Variants in MX1 observed in about 807,000 individuals in gnomAD.
The protein encoded by MX1 is MX dynamin like GTPase 1.
In MX1, 66 loss-of-function variants were observed where a neutral mutation model predicts 66.4. That is an observed-to-expected ratio of 0.99 (90% CI 0.82 to 1.22). The LOEUF (loss-of-function observed/expected upper bound fraction) is 1.22, where lower values mean the gene tolerates loss of function less well. Among genes scored for constraint, MX1 ranks in the 50% most tolerant of loss-of-function variants. The probability of loss-of-function intolerance (pLI) is 0.00; values close to 1 mark genes in which losing one functional copy is unlikely to be tolerated. For missense variants in MX1, 787 were observed against 834.3 expected, an observed-to-expected ratio of 0.94 and a Z score of 0.70; for synonymous variants, 311 against 318.1, an observed-to-expected ratio of 0.98 and a Z score of 0.24.
chr21:41,449,274 G>T lies in MX1; in HGVS notation c.1411G>T (p.Asp471Tyr). 1.2e-6 allele frequency: 2 copies of T among 1,613,596 alleles called. No individual in the cohort carries two copies. The highest frequency in any genetic ancestry group is 1.7e-6 in the Non-Finnish European group (2 of 1,179,866). Reference protein sequence around the residue: ...QIKALEEPAVDMLHTVTDMVR... With the variant: ...QIKALEEPAVYMLHTVTDMVR... Reference sequence around the variant, plus strand: ...CAAGGCACTGGAAGAGCCGGCTGTGGATATGCTACACACCGTGACGGGTGA... The same window carrying T: ...CAAGGCACTGGAAGAGCCGGCTGTGTATATGCTACACACCGTGACGGGTGA... The change falls in exon 14 of 17, where the codon GAT (aspartate) becomes TAT (tyrosine). Residue 471 changes from aspartate to tyrosine, a missense_variant. Asp to Tyr is a radical substitution (Grantham distance 160, BLOSUM62 -3). Coordinates refer to ENST00000398598, the MANE Select transcript of MX1 (RefSeq NM_002462.5).
At chr21:41,440,250 G>A (rs2146206943) in intron 8 of MX1, among the ~76,000 whole-genome samples, 1 of 152,304 alleles carries the variant, frequency 6.6e-6, no homozygotes, top group Middle Eastern at 3.4e-3. Flanking sequence ...TATAATCCCA[G>A]CACTTTGGGA....
At position 41,445,547 on chromosome 21, in the gene MX1, GA is replaced by G. The variant is rs776684659; in HGVS notation, c.1114del (p.Met372CysfsTer4). 6 of 1,613,994 alleles carry G rather than the reference GA, an allele frequency of 3.7e-6. No homozygotes were observed. Among genetic ancestry groups the G allele is most frequent in the Non-Finnish European group, 5.1e-6 (6 of 1,180,000 alleles). On this transcript the variant is annotated frameshift_variant, in exon 12 of 17. Transcript: ENST00000398598. LOFTEE classifies it high-confidence loss of function. ...TGTCGACATACCGGAAGACGAAAAT[GA>G]AAAAATGTTCTTCCTGATAGATGTG... is the stretch of plus-strand genomic sequence containing the variant. ...YGVDIPEDEN[E>X]KMFFLIDKVN...
At chr21:41,435,813 A>T (rs2838036) in intron 5 of MX1, 24 bp from the exon 6 acceptor site, 66,057 of 1,593,022 alleles carry the variant, frequency 0.041, 2,819 homozygotes, top group African/African-American at 0.18. Context: ...GCCATGAAGA[A>T]TTCTCCATTT....
At chr21:41,428,736 A>C (rs1486366836) in intron 3 of MX1, 1 of 151,976 alleles carries the variant, frequency 6.6e-6, no homozygotes, top group Non-Finnish European at 1.5e-5. Flanking sequence ...TTGAAGAAAA[A>C]CCCCTTTACT....
intron 7 of MX1, 141 bp from the exon 8 acceptor site, chr21:41,439,553 T>C: frequency 1.2e-6 from 1 of 821,958 alleles, no homozygotes; most frequent in Non-Finnish European, 2.0e-6. Flanking sequence ...TTTATCCCAA[T>C]CACAGAAAAT....
intron 13 of MX1, among the ~76,000 whole-genome samples, chr21:41,447,690 C>T (rs896919393): frequency 2.6e-5 from 4 of 151,840 alleles, no homozygotes; most frequent in Admixed American, 6.6e-5. Flanking sequence ...TGGGGATGGT[C>T]GCACAACTTT....
chr21:41,448,570 C>T (rs573400783), intron 13 of MX1, among the ~76,000 whole-genome samples: 4 of 152,228 alleles, frequency 2.6e-5, no homozygotes, highest in Middle Eastern at 3.4e-3. Flanking sequence ...CTTTGGGAGG[C>T]CGAGGCAGGT....
At chr21:41,454,449 G>A (rs991324664) in intron 16 of MX1, among the ~76,000 whole-genome samples, 13 of 151,934 alleles carry the variant, frequency 8.6e-5, no homozygotes, top group Admixed American at 7.2e-4. Flanking sequence ...TTCCTGTTAC[G>A]GCCAGGAATT....
chr21:41,448,926 GGTTTTGTGTGTGTGTGTGT>G (rs753498348), intron 13 of MX1, among the ~76,000 whole-genome samples, 192 bp from the exon 14 acceptor site: 80 of 142,946 alleles, frequency 5.6e-4, no homozygotes, highest in South Asian at 9.5e-4. Context: ...CTTCAGATCT[GGTTTTGTGTGTGTGTGTGT>G]GTGTGTGTGT....
intron 13 of MX1, among the ~76,000 whole-genome samples, chr21:41,447,036 A>C (rs369454): frequency 0.53 from 79,751 of 151,808 alleles, 21,511 homozygotes; most frequent in Non-Finnish European, 0.6. Flanking sequence ...GTCTGTGTGT[A>C]GCGGTTGGCT....
At chr21:41,427,407 A>G (rs1472755752) in intron 2 of MX1, 103 bp downstream of exon 2, 2 of 152,300 alleles carry the variant, frequency 1.3e-5, no homozygotes, top group African/African-American at 4.8e-5. Flanking sequence ...CTTTCAGAAG[A>G]AAAGGTGAAT....
rs202173714 is a variant in MX1 at position 41,440,859 on chromosome 21, C to T, written c.592-28C>T. ...CTCTCACTTGCCTTTGCCATACTCACGAGTCACCTCCTCTCATTTCCTTAC... is the reference window on the plus strand; with the variant it reads ...CTCTCACTTGCCTTTGCCATACTCATGAGTCACCTCCTCTCATTTCCTTAC... On this transcript the variant is annotated intron_variant, in intron 8 of 16. Transcript: ENST00000398598. 44 of 1,613,794 alleles carry T rather than the reference C, an allele frequency of 2.7e-5. No homozygotes were observed. The East Asian group carries it at 4.7e-4, about 17-fold the overall frequency.
rs1191220002 is a variant in MX1, at chr21:41,441,173, G to GAGAATGGGGGAGCCC, written c.730+148_730+149insAGAATGGGGGAGCCC. 4.9e-4 allele frequency: 600 copies of GAGAATGGGGGAGCCC among 1,217,580 alleles called. No homozygotes were observed. The highest frequency in any genetic ancestry group is 1.4e-3 in the Middle Eastern group (5 of 3,480). 75.4% of individuals were successfully genotyped at this position (1,217,580 alleles called of 1,614,324 possible). On this transcript the variant is annotated intron_variant, in intron 9 of 16. Transcript: ENST00000398598. The surrounding 1 kb of genome is among the most constrained non-coding windows in gnomAD (Gnocchi z 4.0). ...ATGGGGGAGCCCGCCTGTGCTCGGTGGTCTGCCAGTGGGCAAGCGTCCCTC... is the reference window on the plus strand; with the variant it reads ...ATGGGGGAGCCCGCCTGTGCTCGGTGAGAATGGGGGAGCCCGTCTGCCAGTGGGCAAGCGTCCCTC...
At chr21:41,432,647 G>A (rs753314134) in intron 5 of MX1, among the ~76,000 whole-genome samples, 1 of 152,182 alleles carries the variant, frequency 6.6e-6, no homozygotes, top group Admixed American at 6.5e-5. Context: ...AGTTGGTCCC[G>A]ACGCTGACAC....
chr21:41,452,832 T>C lies in MX1; in HGVS notation c.1721T>C (p.Met574Thr), dbSNP rs548180267. Residue 574 changes from methionine (M) to threonine (T), a missense_variant, in exon 16 of 17, where the codon ATG becomes ACG. Physicochemically the swap from Met to Thr is moderately conservative, Grantham distance 81. Transcript: ENST00000398598. ...FQSSSATDSS[M>T]EEIFQHLMAY... ...TCCAGCTCGGCAACAGACTCTTCCA[T>C]GGAGGAGATCTTTCAGCACCTGATG... is the stretch of plus-strand genomic sequence containing the variant. 3.7e-6 allele frequency: 6 copies of C among 1,614,176 alleles called. No homozygotes were observed. Among genetic ancestry groups the C allele is most frequent in the South Asian group, 2.2e-5 (2 of 91,082 alleles).
At chr21:41,436,088 A>G (rs468207) in intron 6 of MX1, 59 bp downstream of exon 6, 1,037,945 of 1,574,350 alleles carry the variant, frequency 0.66, 344,214 homozygotes, top group Non-Finnish European at 0.68. Context: ...TACCACAGAC[A>G]GGGTGGCTTA....
intron 3 of MX1, among the ~76,000 whole-genome samples, chr21:41,430,081 C>T (rs1298464209): frequency 6.6e-6 from 1 of 152,108 alleles, no homozygotes; most frequent in East Asian, 1.9e-4. Flanking sequence ...GCAGCACTTC[C>T]CAACCTTCCT....
At chr21:41,433,418 T>C (rs1187151576) in intron 5 of MX1, among the ~76,000 whole-genome samples, 1 of 152,228 alleles carries the variant, frequency 6.6e-6, no homozygotes, top group Non-Finnish European at 1.5e-5. Flanking sequence ...GTGCCTGTCA[T>C]GGTGGAATGG....
At chr21:41,453,874 A>G (rs11911701) in intron 16 of MX1, among the ~76,000 whole-genome samples, 30,160 of 147,456 alleles carry the variant, frequency 0.2, 3,523 homozygotes, top group East Asian at 0.43. Context: ...TTTGTCTACA[A>G]ACTTGACATC....
Sources: allele counts gnomAD v4.1 joint callset (sites outside exome capture counted in the v4.1 genomes callset), GRCh38; gene constraint gnomAD v4.1.1; non-coding constraint Gnocchi (gnomAD v3.1); transcripts MANE v1.5; gene names NCBI Gene and HGNC (gene_info 2026-07-23, HGNC 2026-07-21).